C12orf42: variants seen among roughly 807,000 people sequenced by gnomAD.
C12orf42 encodes uncharacterized protein C12orf42.
In C12orf42, 25 loss-of-function variants were observed where a neutral mutation model predicts 21.6. The observed-to-expected ratio is 1.16, with a 90% confidence interval of 0.84 to 1.62. The LOEUF (loss-of-function observed/expected upper bound fraction) is 1.62. C12orf42 is among the 40% of genes most tolerant of loss of function. The pLI is 0.00. For synonymous variants in C12orf42, 174 were observed against 175.0 expected (o/e 0.99, Z 0.05); for missense variants, 483 against 459.3 (o/e 1.05, Z -0.47).
the C12orf42 span, among the ~76,000 whole-genome samples, chr12:103,097,033 G>A: frequency 6.6e-6 from 1 of 152,112 alleles, no homozygotes; most frequent in Non-Finnish European, 1.5e-5. Context: ...TCAATGTTGT[G>A]TCCTCACAGC....
chr12:103,235,989 G>T (rs1356772483), downstream of C12orf42, among the ~76,000 whole-genome samples: 1 of 152,170 alleles, frequency 6.6e-6, no homozygotes, highest in Non-Finnish European at 1.5e-5. Context: ...GGTAAGTCAT[G>T]CAAGATAATT....
At chr12:103,183,372 G>A in the C12orf42 span, among the ~76,000 whole-genome samples, 1 of 152,200 alleles carries the variant, frequency 6.6e-6, no homozygotes, top group African/African-American at 2.4e-5. Flanking sequence ...GAGCCACCAC[G>A]CCCAGCCCTT....
At chr12:103,453,428 C>G (rs940643917) in intron 2 of C12orf42, among the ~76,000 whole-genome samples, 1 of 151,760 alleles carries the variant, frequency 6.6e-6, no homozygotes, top group African/African-American at 2.4e-5. Flanking sequence ...TATTTGCTTG[C>G]ACCTTCAGTC....
At chr12:103,312,302 G>A (rs143811840) in intron 4 of C12orf42, among the ~76,000 whole-genome samples, 5 of 152,282 alleles carry the variant, frequency 3.3e-5, no homozygotes, top group Non-Finnish European at 7.4e-5. Flanking sequence ...TGTGACTCCC[G>A]TGAACTGGGC....
chr12:103,514,919 G>A, the C12orf42 span, among the ~76,000 whole-genome samples: 5 of 152,086 alleles, frequency 3.3e-5, no homozygotes, highest in Admixed American at 3.3e-4. Context: ...AGACCATTTT[G>A]CCCCCTACCC....
At chr12:103,114,189 A>G in the C12orf42 span, among the ~76,000 whole-genome samples, 1 of 152,344 alleles carries the variant, frequency 6.6e-6, no homozygotes, top group African/African-American at 2.4e-5. Context: ...TGTTTCAATA[A>G]AGTGGGAGAC....
intron 2 of C12orf42, among the ~76,000 whole-genome samples, chr12:103,407,042 T>C (rs932739740): frequency 3.9e-5 from 6 of 152,236 alleles, no homozygotes; most frequent in Middle Eastern, 3.4e-3. Context: ...CCTTATTTTG[T>C]AGATGAAAAA....
the C12orf42 span, among the ~76,000 whole-genome samples, chr12:103,090,221 A>G: frequency 6.6e-6 from 1 of 152,192 alleles, no homozygotes; most frequent in African/African-American, 2.4e-5. Flanking sequence ...CATGATCTCA[A>G]TCAGGTTTTT....
chr12:103,366,869 A>G (rs2044651913), intron 4 of C12orf42, among the ~76,000 whole-genome samples: 1 of 152,152 alleles, frequency 6.6e-6, no homozygotes, highest in Middle Eastern at 3.2e-3. Context: ...AAACTAGTGC[A>G]ACCGCTATGG....
chr12:103,504,123 C>G, the C12orf42 span: 1 of 152,482 alleles, frequency 6.6e-6, no homozygotes, highest in Admixed American at 6.5e-5. Flanking sequence ...TGCGCTACTT[C>G]AGGCTCATAG....
intron 2 of C12orf42, among the ~76,000 whole-genome samples, chr12:103,465,251 T>C (rs1442229681): frequency 6.6e-6 from 1 of 152,212 alleles, no homozygotes; most frequent in Non-Finnish European, 1.5e-5. Context: ...TGTTTTTCCA[T>C]ACGTTTGTAT....
intron 2 of C12orf42, among the ~76,000 whole-genome samples, chr12:103,453,334 A>C (rs2137528117): frequency 6.6e-6 from 1 of 151,964 alleles, no homozygotes; most frequent in Middle Eastern, 3.4e-3. Context: ...CCAGTTTTCA[A>C]ATTTATTAAC....
chr12:103,332,971 T>C (rs549061134), intron 4 of C12orf42, among the ~76,000 whole-genome samples: 3 of 152,264 alleles, frequency 2.0e-5, no homozygotes, highest in Non-Finnish European at 4.4e-5. Context: ...GTCGAAGGCT[T>C]AGCAGACAAA....
chr12:103,500,528 A>G (rs1955693414), upstream of C12orf42, among the ~76,000 whole-genome samples: 1 of 152,250 alleles, frequency 6.6e-6, no homozygotes, highest in Non-Finnish European at 1.5e-5. Flanking sequence ...AAATAAGCTA[A>G]TAAGAGAGGC....
chr12:103,403,058 G>A (rs745571833), intron 2 of C12orf42, among the ~76,000 whole-genome samples: 13 of 152,090 alleles, frequency 8.5e-5, no homozygotes, highest in African/African-American at 1.9e-4. Context: ...CTGGGCACAT[G>A]GTAAGCATCC....
At chr12:103,280,561 G>T (rs1330325917) in intron 4 of C12orf42, among the ~76,000 whole-genome samples, 3 of 152,162 alleles carry the variant, frequency 2.0e-5, no homozygotes, top group African/African-American at 7.2e-5. Context: ...AGAGGCTGTA[G>T]AGAGCTGAGA....
At chr12:103,322,539 G>T (rs550825098) in intron 4 of C12orf42, among the ~76,000 whole-genome samples, 22 of 152,236 alleles carry the variant, frequency 1.4e-4, no homozygotes, top group African/African-American at 5.3e-4. Flanking sequence ...TGAAGATCCT[G>T]GCTCAGAGCC....
chr12:103,494,827 G>T (rs367646419), intron 1 of C12orf42, among the ~76,000 whole-genome samples: 1 of 152,200 alleles, frequency 6.6e-6, no homozygotes, highest in Non-Finnish European at 1.5e-5. Context: ...GTAAAGAAGG[G>T]AGGGGGTGTC....
At chr12:103,058,016 C>T in the C12orf42 span, among the ~76,000 whole-genome samples, 38 of 150,720 alleles carry the variant, frequency 2.5e-4, no homozygotes, top group Non-Finnish European at 3.7e-4. Context: ...AGTGCAGTGG[C>T]ATGATCTCAC....
Sources: allele counts gnomAD v4.1 joint callset (sites outside exome capture counted in the v4.1 genomes callset), GRCh38; gene constraint gnomAD v4.1.1; transcripts MANE v1.5; gene names NCBI Gene and HGNC (gene_info 2026-07-23, HGNC 2026-07-21).